Variants in MGAT1 observed in about 807,000 individuals in gnomAD.
MGAT1 encodes the protein N-glycosyl-oligosaccharide-glycoprotein N-acetylglucosaminyltransferase I.
MGAT1 carries 14 observed loss-of-function variants against 31.7 expected under a neutral mutation model. The observed-to-expected ratio is 0.44, with a 90% confidence interval of 0.29 to 0.69. The LOEUF (loss-of-function observed/expected upper bound fraction) is 0.69, where lower values mean the gene tolerates loss of function less well. MGAT1 is among the 30% of genes least tolerant of loss of function. The pLI is 0.12. For missense variants in MGAT1, 557 were observed against 626.0 expected (o/e 0.89, Z 1.18); for synonymous variants, 338 against 276.0 (o/e 1.22, Z -2.23).
chr5:180,796,202 G>A (rs572325347), intron 1 of MGAT1, among the ~76,000 whole-genome samples: 1 of 152,168 alleles, frequency 6.6e-6, no homozygotes, highest in South Asian at 2.1e-4. Context: ...GTATAAAAGG[G>A]CTGATCCTGA....
rs1768021535 is a variant in MGAT1, at chr5:180,791,210, G to A, written c.*424C>T. ...ATATGTCCCCTTCTCCCATAACTCA[G>A]TCCCCACTGGGGGAAGGGGAGCAGG... On this transcript the variant is annotated 3_prime_UTR_variant, in exon 2 of 2. Coordinates refer to ENST00000307826, the MANE Select transcript of MGAT1 (RefSeq NM_002406.4). 1 of 188,850 alleles carries A rather than the reference G, an allele frequency of 5.3e-6. No homozygotes were observed. The allele number at this position is 188,850 out of a possible 1,614,324, so 11.7% of individuals were successfully genotyped here.
At chr5:180,805,189 A>G (rs776230002), upstream of MGAT1, among the ~76,000 whole-genome samples, 1 of 150,944 alleles carries the variant, frequency 6.6e-6, no homozygotes, top group Non-Finnish European at 1.5e-5. Context: ...GATTATGTGC[A>G]AAAGGAAAAA....
chr5:180,814,090 A>AT (rs1480324102), intron 1 of MGAT1, among the ~76,000 whole-genome samples: 7 of 152,032 alleles, frequency 4.6e-5, no homozygotes, highest in Non-Finnish European at 1.0e-4. Context: ...TCAGGTGTAT[A>AT]TTTTTTCACA....
upstream of MGAT1, among the ~76,000 whole-genome samples, chr5:180,804,284 C>T (rs866724794): frequency 6.6e-6 from 1 of 151,958 alleles, no homozygotes; most frequent in African/African-American, 2.4e-5. Flanking sequence ...GGGAGCATAG[C>T]CAGGTTTTAG....
Position 180,787,397 on chromosome 5 carries a change from C to T in MGAT1, c.*4237G>A, listed in dbSNP as rs898516347. On this transcript the variant is annotated 3_prime_UTR_variant, in exon 2 of 2. Transcript: ENST00000307826. ...CCTCTACAGAGGTCTCATCAGAAAG[C>T]CTGAAATCCCACGTTAGATATTTCA... 2.6e-5 allele frequency: 4 copies of T among 152,218 alleles called. No individual in the cohort carries two copies. Among genetic ancestry groups the T allele is most frequent in the Non-Finnish European group, 5.9e-5 (4 of 68,038 alleles). 9.4% of individuals were successfully genotyped at this position (152,218 alleles called of 1,614,324 possible). A position where few individuals can be genotyped will look rare whatever the true frequency, so the allele number is the denominator to read the frequency against.
At position 180,786,445 on chromosome 5, in the gene MGAT1, T is replaced by C. The variant is rs1257515465; in HGVS notation, c.*5189A>G. The C allele has an allele frequency of 2.0e-5, 3 of 152,280 alleles. No homozygotes were observed. Among genetic ancestry groups the C allele is most frequent in the African/African-American group, 7.2e-5 (3 of 41,444 alleles). The allele number at this position is 152,280 out of a possible 1,614,324, so 9.4% of individuals were successfully genotyped here. A position where few individuals can be genotyped will look rare whatever the true frequency, so the allele number is the denominator to read the frequency against. On this transcript the variant is annotated 3_prime_UTR_variant, in exon 2 of 2. Transcript: ENST00000307826. ...CCGTGTATGGCCGTGGTCCCTGTAG[T>C]CGCCCATACAATCACTCCCTTCTTA...
Position 180,791,496 on chromosome 5 carries a change from C to G in MGAT1, c.*138G>C. 2 of 1,078,562 alleles carry G rather than the reference C, an allele frequency of 1.9e-6. No individual in the cohort carries two copies. Among genetic ancestry groups the G allele is most frequent in the Non-Finnish European group, 2.7e-6 (2 of 744,092 alleles). The allele number at this position is 1,078,562 out of a possible 1,614,324, so 66.8% of individuals were successfully genotyped here. On this transcript the variant is annotated 3_prime_UTR_variant, in exon 2 of 2. Transcript: ENST00000307826. ...TAATCCTCTTGTTATCATTTGTGCA[C>G]TTAAATGCCACTCGGAAAAATCAAA... is the stretch of plus-strand genomic sequence containing the variant.
At chr5:180,802,857 G>A (rs1297451421), upstream of MGAT1, 6 of 149,964 alleles carry the variant, frequency 4.0e-5, no homozygotes, top group East Asian at 7.9e-4. Context: ...TTCCCCGGCA[G>A]GCGGGGCGGG....
At chr5:180,804,481 C>T (rs1771558135), upstream of MGAT1, among the ~76,000 whole-genome samples, 1 of 152,212 alleles carries the variant, frequency 6.6e-6, no homozygotes, top group Non-Finnish European at 1.5e-5. Context: ...GTGCGATGTG[C>T]GGGAAGCCCG....
At chr5:180,805,613 G>T (rs916903877), upstream of MGAT1, among the ~76,000 whole-genome samples, 7 of 152,042 alleles carry the variant, frequency 4.6e-5, no homozygotes, top group Non-Finnish European at 1.0e-4. Flanking sequence ...AGCCAAGTGT[G>T]GTGGCATGCA....
intron 1 of MGAT1, among the ~76,000 whole-genome samples, chr5:180,794,007 C>T (rs1027301889): frequency 5.9e-5 from 9 of 151,994 alleles, no homozygotes; most frequent in South Asian, 2.1e-4. Context: ...GACGAACTGA[C>T]AGTAAAGTTC....
At position 180,791,640 on chromosome 5, in the gene MGAT1, C is replaced by A; in HGVS notation, c.1332G>T (p.Trp444Cys). 1 of 1,612,962 alleles carries A rather than the reference C, an allele frequency of 6.2e-7. No homozygotes were observed. The highest frequency in any genetic ancestry group is 8.5e-7 in the Non-Finnish European group (1 of 1,179,692). Residue 444 changes from tryptophan (W) to cysteine (C), a missense_variant, in exon 2 of 2, where the codon TGG becomes TGT. This residue lies in a region of MGAT1 where 145 missense variants were observed against 143.2 expected (regional missense o/e 1.01). Coordinates refer to ENST00000307826, the MANE Select transcript of MGAT1 (RefSeq NM_002406.4). ...PLTWEGYDPS[W>C]N ...CAGGAAGGACAGGCAGGTGCTAATT[C>A]CAGCTAGGATCATAGCCCTCCCACG...
At chr5:180,807,827 C>A (rs1168998076) in intron 2 of MGAT1, among the ~76,000 whole-genome samples, 2 of 152,224 alleles carry the variant, frequency 1.3e-5, no homozygotes, top group Non-Finnish European at 2.9e-5. Flanking sequence ...AGGACATCTT[C>A]TTAGGCTGTT....
intron 1 of MGAT1, 90 bp downstream of exon 1, chr5:180,802,590 G>A (rs1771082788): frequency 6.6e-6 from 1 of 152,400 alleles, no homozygotes; most frequent in African/African-American, 2.4e-5. Context: ...GGGCACCGGG[G>A]CTTTGGGGCG....
rs28417885 is a variant in MGAT1, at chr5:180,812,555, C to T, written c.-546+2859G>A. ...TCTTTCCAAATATTTTTTATACACA[C>T]GCACACACACACAGGCACACACACA... is the stretch of plus-strand genomic sequence containing the variant. On this transcript the variant is annotated intron_variant, in intron 1 of 2. Transcript: ENST00000333055. Among the ~76,000 whole-genome samples the T allele has an allele frequency of 8.7e-4, 132 of 152,154 alleles. 2 individuals carry two copies. In the South Asian group the frequency reaches 0.026, roughly 30 times the overall value.
At chr5:180,795,136 C>G (rs1769051161) in intron 1 of MGAT1, among the ~76,000 whole-genome samples, 1 of 152,024 alleles carries the variant, frequency 6.6e-6, no homozygotes, top group Non-Finnish European at 1.5e-5. Flanking sequence ...AGAAACTAAT[C>G]TATATTACAG....
chr5:180,798,838 T>TC (rs921656345), intron 1 of MGAT1, among the ~76,000 whole-genome samples: 2 of 149,158 alleles, frequency 1.3e-5, no homozygotes, highest in Non-Finnish European at 3.0e-5. Flanking sequence ...ATTCACCAGA[T>TC]CATCTTTTCA....
Position 180,785,273 on chromosome 5 carries a change from C to A in MGAT1, c.*6361G>T. The A allele has an allele frequency of 6.6e-6, 1 of 152,372 alleles. No homozygotes were observed. Among genetic ancestry groups the A allele is most frequent in the Non-Finnish European group, 1.5e-5 (1 of 68,046 alleles). 9.4% of individuals were successfully genotyped at this position (152,372 alleles called of 1,614,324 possible). The stretch of plus-strand genomic sequence containing the variant: ...ATCTTCCACCGTTTCAAGGACAGAA[C>A]ACAGTATCCGAGAGTTCTGGTTTCT... On this transcript the variant is annotated 3_prime_UTR_variant, in exon 2 of 2. Coordinates refer to ENST00000307826, the MANE Select transcript of MGAT1 (RefSeq NM_002406.4).
rs113418834 is a variant in MGAT1, at chr5:180,799,331, G to C, written c.-127+3349C>G. ...TAAGCATATACCTGGACGCTGCTGT[G>C]TCTCTGCTCCAGCTGGTCCCTCATC... On this transcript the variant is annotated intron_variant, in intron 1 of 1. Transcript: ENST00000307826. 2.4e-3 allele frequency among the ~76,000 whole-genome samples: 358 copies of C among 152,216 alleles called. 3 individuals carry two copies. Among genetic ancestry groups the C allele is most frequent in the African/African-American group, 6.6e-3 (276 of 41,514 alleles).
Sources: gnomAD v4.1 joint callset for allele counts (sites outside exome capture counted in the v4.1 genomes callset) on GRCh38, gnomAD v4.1.1 for gene constraint, gnomAD v4.1.1 regional missense constraint, MANE v1.5 for transcripts, NCBI Gene and HGNC (gene_info 2026-07-23, HGNC 2026-07-21) for gene names.